ADCY1: variants seen among roughly 807,000 people sequenced by gnomAD.
ADCY1 encodes the protein adenylate cyclase type 1.
ADCY1 carries 28 observed loss-of-function variants against 105.4 expected under a neutral mutation model. The ratio of observed to expected loss-of-function variants is 0.27; its 90% CI spans 0.20 to 0.36. The LOEUF (loss-of-function observed/expected upper bound fraction) is 0.36. Ranked by LOEUF, ADCY1 falls within the 10% of genes least tolerant of loss-of-function variation. The pLI is 1.00. For synonymous variants in ADCY1, 655 were observed against 623.8 expected, an observed-to-expected ratio of 1.05 and a Z score of -0.75; for missense variants, 977 against 1,434.2, an observed-to-expected ratio of 0.68 and a Z score of 5.15.
At chr7:45,633,726 C>G (rs188536201) in intron 4 of ADCY1, among the ~76,000 whole-genome samples, 1 of 147,496 alleles carries the variant, frequency 6.8e-6, no homozygotes. Flanking sequence ...CGCTTGAACC[C>G]GGGAGGCAGA....
chr7:45,595,465 G>T (rs971748121), intron 2 of ADCY1, among the ~76,000 whole-genome samples: 1 of 151,976 alleles, frequency 6.6e-6, no homozygotes, highest in South Asian at 2.1e-4. Context: ...TGTTTCCCCT[G>T]CCCCTTTCCG....
chr7:45,648,564 T>G (rs1794727288), intron 4 of ADCY1, 106 bp from the exon 5 acceptor site: 1 of 1,486,522 alleles, frequency 6.7e-7, no homozygotes, highest in Non-Finnish European at 9.2e-7. Context: ...CAGCATGTCT[T>G]GCCAGCGCTC....
chr7:45,685,886 G>T lies in ADCY1; in HGVS notation c.2074-76G>T, dbSNP rs2293104. 0.18 allele frequency: 273,002 copies of T among 1,515,968 alleles called. 26,586 individuals carry two copies. Among genetic ancestry groups the T allele is most frequent in the Non-Finnish European group, 0.2 (223,636 of 1,131,894 alleles). The allele number at this position is 1,515,968 out of a possible 1,614,324, so 93.9% of individuals were successfully genotyped here. ...AACCTTGGGAGACCTGCTTGAAGAGGGACACCTGAGCATGCTTAGGGGCTG... is the reference window on the plus strand; with the variant it reads ...AACCTTGGGAGACCTGCTTGAAGAGTGACACCTGAGCATGCTTAGGGGCTG... On this transcript the variant is annotated intron_variant, in intron 12 of 19. Transcript: ENST00000297323.
At chr7:45,699,945 T>C (rs1400717902) in intron 14 of ADCY1, among the ~76,000 whole-genome samples, 2 of 152,146 alleles carry the variant, frequency 1.3e-5, no homozygotes, top group East Asian at 3.9e-4. Flanking sequence ...AAGTCCAGGC[T>C]GGCCACTGAG....
At chr7:45,606,806 A>G (rs771368381) in intron 2 of ADCY1, among the ~76,000 whole-genome samples, 8 of 152,196 alleles carry the variant, frequency 5.3e-5, no homozygotes, top group Non-Finnish European at 1.0e-4. Flanking sequence ...TAGGACACTG[A>G]GGTACTTTGT....
chr7:45,666,706 G>A (rs1252496144), intron 8 of ADCY1, among the ~76,000 whole-genome samples: 2 of 152,216 alleles, frequency 1.3e-5, no homozygotes, highest in African/African-American at 4.8e-5. Context: ...TCGCCACACT[G>A]TCTTCCACAA....
At chr7:45,685,814 T>G in intron 12 of ADCY1, 148 bp from the exon 13 acceptor site, 32 of 1,005,644 alleles carry the variant, frequency 3.2e-5, no homozygotes, top group East Asian at 5.2e-5. Context: ...TGAGTTGCCA[T>G]GAGGTCTGTG....
At chr7:45,685,422 AGTGGGTGGGAGTAACAGG>A (rs1784646428) in intron 12 of ADCY1, among the ~76,000 whole-genome samples, 1 of 147,532 alleles carries the variant, frequency 6.8e-6, no homozygotes, top group Admixed American at 6.7e-5. Context: ...AAAGGATGGA[AGTGGGTGGGAGTAACAGG>A]ATGGAGTTTG....
At chr7:45,579,959 CT>C (rs1792478769) in intron 1 of ADCY1, among the ~76,000 whole-genome samples, 1 of 150,178 alleles carries the variant, frequency 6.7e-6, no homozygotes, top group Non-Finnish European at 1.5e-5. Flanking sequence ...CCCCTTCCCC[CT>C]TCCCCCCTCG....
At chr7:45,622,566 A>G in intron 3 of ADCY1, 66 bp from the exon 4 acceptor site, 2 of 1,137,198 alleles carry the variant, frequency 1.8e-6, no homozygotes, top group East Asian at 2.4e-5. Flanking sequence ...AAACATCTGT[A>G]CATCTCTAGG....
At chr7:45,683,601 C>T (rs1053302336) in intron 11 of ADCY1, among the ~76,000 whole-genome samples, 5 of 152,178 alleles carry the variant, frequency 3.3e-5, no homozygotes, top group Non-Finnish European at 7.4e-5. Flanking sequence ...GCCATTTTGT[C>T]GTGTCACTTA....
chr7:45,704,468 CTT>C, intron 16 of ADCY1, 48 bp from the exon 17 acceptor site: 1 of 1,570,500 alleles, frequency 6.4e-7, no homozygotes, highest in East Asian at 2.2e-5. Context: ...GCTGCAGCGA[CTT>C]TTCTCAAATG....
In ADCY1 at chr7:45,582,008, A is replaced by C. The variant is rs780640094; in HGVS notation, c.639+6826A>C. ...TACCCACTTGCGTGCATGCACTTAC[A>C]CATTCACATGCGCCCTCACACTCAT... On this transcript the variant is annotated intron_variant, in intron 1 of 19. Coordinates refer to ENST00000297323, the MANE Select transcript of ADCY1 (RefSeq NM_021116.4). Among the ~76,000 whole-genome samples, 41 of 151,988 alleles carry C rather than the reference A, an allele frequency of 2.7e-4. 1 individual carries two copies. The highest frequency in any genetic ancestry group is 9.7e-4 in the African/African-American group (40 of 41,416).
intron 3 of ADCY1, 78 bp downstream of exon 3, chr7:45,610,575 G>T (rs996616897): frequency 2.4e-5 from 31 of 1,277,662 alleles, no homozygotes; most frequent in South Asian, 6.2e-5. Context: ...GTGGGGAGGT[G>T]ATGACAGAAG....
At position 45,703,191 on chromosome 7, in the gene ADCY1, G is replaced by T. The variant is rs369400408; in HGVS notation, c.2455-185G>T. Among the ~76,000 whole-genome samples, 38 of 152,292 alleles carry T rather than the reference G, an allele frequency of 2.5e-4. No homozygotes were observed. The highest frequency in any genetic ancestry group is 8.7e-4 in the African/African-American group (36 of 41,560). On this transcript the variant is annotated intron_variant, in intron 14 of 19. Transcript: ENST00000297323. The surrounding 1 kb of genome is among the most constrained non-coding windows in gnomAD (Gnocchi z 5.9). ...GAGGTGGTGACTTAGGCAGACATCT[G>T]CAGATCTTCCCTACCCAGTAACATG...
At position 45,720,998 on chromosome 7, in the gene ADCY1, C is replaced by T. The variant is rs923575121; in HGVS notation, c.*7003C>T. Reference sequence around the variant, plus strand: ...ACCAGGGTTCCATTCCTGCTCTATCCAGTTCCAAGCCCTTGTGTTTTCCAT... The same window carrying T: ...ACCAGGGTTCCATTCCTGCTCTATCTAGTTCCAAGCCCTTGTGTTTTCCAT... On this transcript the variant is annotated 3_prime_UTR_variant, in exon 20 of 20. Transcript: ENST00000297323. The T allele has an allele frequency of 6.6e-6, 1 of 152,222 alleles. No individual in the cohort carries two copies. The highest frequency in any genetic ancestry group is 1.5e-5 in the Non-Finnish European group (1 of 68,070). 9.4% of individuals were successfully genotyped at this position (152,222 alleles called of 1,614,324 possible). A position where few individuals can be genotyped will look rare whatever the true frequency, so the allele number is the denominator to read the frequency against.
At chr7:45,681,186 T>C (rs2116194318) in intron 11 of ADCY1, among the ~76,000 whole-genome samples, 2 of 152,348 alleles carry the variant, frequency 1.3e-5, no homozygotes, top group African/African-American at 4.8e-5. Context: ...ACATGATCTG[T>C]GGGATTGGGG....
intron 3 of ADCY1, among the ~76,000 whole-genome samples, chr7:45,619,556 T>C (rs531797993): frequency 1.3e-5 from 2 of 152,164 alleles, no homozygotes; most frequent in East Asian, 3.9e-4. Flanking sequence ...CACACACACA[T>C]ATACGTAACA....
intron 2 of ADCY1, among the ~76,000 whole-genome samples, chr7:45,609,435 C>T (rs187032284): frequency 1.0e-3 from 154 of 152,330 alleles, no homozygotes; most frequent in African/African-American, 3.5e-3. Flanking sequence ...CACGACAGGC[C>T]GCTGCGGAGG....
Sources: gnomAD v4.1 joint callset for allele counts (sites outside exome capture counted in the v4.1 genomes callset) on GRCh38, gnomAD v4.1.1 for gene constraint, Gnocchi (gnomAD v3.1) non-coding constraint, MANE v1.5 for transcripts, NCBI Gene and HGNC (gene_info 2026-07-23, HGNC 2026-07-21) for gene names.